The following FBXO24 variants were observed in gnomAD, a reference collection of about 807,000 sequenced individuals.
FBXO24 encodes the protein F-box only protein 24.
FBXO24 carries 30 observed loss-of-function variants against 63.5 expected under a neutral mutation model. That is an observed-to-expected ratio of 0.47 (90% CI 0.35 to 0.64). The LOEUF (loss-of-function observed/expected upper bound fraction) is 0.64. FBXO24 is among the 30% of genes least tolerant of loss of function. FBXO24 has a pLI of 0.00. For missense variants in FBXO24, 624 were observed against 763.4 expected, an observed-to-expected ratio of 0.82 and a Z score of 2.15; for synonymous variants, 300 against 305.0, an observed-to-expected ratio of 0.98 and a Z score of 0.17.
chr7:100,591,064 G>A (rs1458611301), intron 3 of FBXO24, among the ~76,000 whole-genome samples: 1 of 135,740 alleles, frequency 7.4e-6, no homozygotes, highest in African/African-American at 2.9e-5. Context: ...TTGAGACAGG[G>A]TCTTGCTCTG....
At chr7:100,599,944 C>A in intron 8 of FBXO24, 87 bp from the exon 9 acceptor site, 1 of 1,450,376 alleles carries the variant, frequency 6.9e-7, no homozygotes, top group Admixed American at 2.0e-5. Context: ...TTCATTCTGC[C>A]CCGAGCCTTC....
intron 8 of FBXO24, among the ~76,000 whole-genome samples, chr7:100,597,290 C>G (rs1802357740): frequency 1.3e-5 from 2 of 152,026 alleles, no homozygotes; most frequent in Non-Finnish European, 2.9e-5. Context: ...GATGGTGTGA[C>G]AATGTAAGAT....
chr7:100,586,420 G>C lies in FBXO24; in HGVS notation c.-206G>C, dbSNP rs565419330. 2 of 649,678 alleles carry C rather than the reference G, an allele frequency of 3.1e-6. 1 individual carries two copies. The highest frequency in any genetic ancestry group is 3.7e-5 in the South Asian group (2 of 54,424). The allele number at this position is 649,678 out of a possible 1,614,324, so 40.2% of individuals were successfully genotyped here. On this transcript the variant is annotated 5_prime_UTR_variant, in exon 1 of 10. Coordinates refer to ENST00000241071, the MANE Select transcript of FBXO24 (RefSeq NM_033506.3). ...TCAGATCGGGAGGTGGAGCCAATCA[G>C]GTCCAACCAAGAGGAGGGGACACCG...
Position 100,596,106 on chromosome 7 carries a change from C to T in FBXO24, c.1206+400C>T, listed in dbSNP as rs76473994. On this transcript the variant is annotated intron_variant, in intron 8 of 9. Coordinates refer to ENST00000241071, the MANE Select transcript of FBXO24 (RefSeq NM_033506.3). ...CAGCCTGGGCAACATGGTGAAACCC[C>T]GTCTCTACCAAAAATATAAAAAATT... Among the ~76,000 whole-genome samples the T allele has an allele frequency of 3.4e-3, 516 of 152,016 alleles. 17 individuals are homozygous for T. The East Asian group carries it at 0.061, about 18-fold the overall frequency.
At position 100,600,965 on chromosome 7, in the gene FBXO24, A is replaced by C; in HGVS notation, c.*66A>C. On this transcript the variant is annotated 3_prime_UTR_variant, in exon 10 of 10. Coordinates refer to ENST00000241071, the MANE Select transcript of FBXO24 (RefSeq NM_033506.3). The surrounding 1 kb of genome is among the most constrained non-coding windows in gnomAD (Gnocchi z 6.3). ...GCCCCAGGCCAGGGACTAAGGAGCAATGACCATTGTGCACATGCGTGTGGG... is the reference window on the plus strand; with the variant it reads ...GCCCCAGGCCAGGGACTAAGGAGCACTGACCATTGTGCACATGCGTGTGGG... The C allele has an allele frequency of 6.4e-7, 1 of 1,555,642 alleles. No homozygotes were observed. The highest frequency in any genetic ancestry group is 8.7e-7 in the Non-Finnish European group (1 of 1,155,908).
At chr7:100,589,019 C>T (rs928688775) in intron 1 of FBXO24, among the ~76,000 whole-genome samples, 7 of 150,758 alleles carry the variant, frequency 4.6e-5, no homozygotes, top group Non-Finnish European at 1.0e-4. Flanking sequence ...TTTTAATAGA[C>T]GCAGGGTCTA....
intron 1 of FBXO24, chr7:100,589,633 C>T (rs1801900807): frequency 8.1e-6 from 12 of 1,479,516 alleles, no homozygotes; most frequent in Non-Finnish European, 9.9e-6. Flanking sequence ...CAAGCCTAGG[C>T]TGGGGACATG....
chr7:100,601,115 G>A lies in FBXO24; in HGVS notation c.*216G>A, dbSNP rs771177963. Reference sequence around the variant, plus strand: ...GATGGATAGAATAAAAGGCTGCAGCGAGGCCTGGTGTGGAAGCCTTGGGGG... The same window carrying A: ...GATGGATAGAATAAAAGGCTGCAGCAAGGCCTGGTGTGGAAGCCTTGGGGG... On this transcript the variant is annotated 3_prime_UTR_variant, in exon 10 of 10. Transcript: ENST00000241071. The A allele has an allele frequency of 2.3e-4, 113 of 497,254 alleles. No homozygotes were observed. Among genetic ancestry groups the A allele is most frequent in the Middle Eastern group, 5.3e-4 (1 of 1,886 alleles). 30.8% of individuals were successfully genotyped at this position (497,254 alleles called of 1,614,324 possible).
intron 8 of FBXO24, among the ~76,000 whole-genome samples, chr7:100,597,443 G>T (rs1418843091): frequency 6.6e-6 from 1 of 151,774 alleles, no homozygotes; most frequent in Non-Finnish European, 1.5e-5. Context: ...TGTCTCCCAG[G>T]CTGGAGTGCA....
At position 100,600,396 on chromosome 7, in the gene FBXO24, TCA is replaced by T; in HGVS notation, c.1378-132_1378-131del. On this transcript the variant is annotated intron_variant, in intron 9 of 9. Coordinates refer to ENST00000241071, the MANE Select transcript of FBXO24 (RefSeq NM_033506.3). This position sits in a 1 kb window ranked among gnomAD's most constrained non-coding sequence, Gnocchi z 6.3. ...CAGACTGTGCTGGCCTTGCCCAACC[TCA>T]CACACCCCTGGGACTTAGCCGGCTC... The T allele has an allele frequency of 6.8e-7, 1 of 1,477,276 alleles. No homozygotes were observed. Among genetic ancestry groups the T allele is most frequent in the Non-Finnish European group, 9.1e-7 (1 of 1,101,690 alleles). 91.5% of individuals were successfully genotyped at this position (1,477,276 alleles called of 1,614,324 possible). A position where few individuals can be genotyped will look rare whatever the true frequency, so the allele number is the denominator to read the frequency against.
intron 1 of FBXO24, among the ~76,000 whole-genome samples, chr7:100,588,943 C>T (rs1801872463): frequency 6.6e-6 from 1 of 152,100 alleles, no homozygotes; most frequent in Non-Finnish European, 1.5e-5. Context: ...CTGCCTCAGC[C>T]TCCTGTGTAG....
In FBXO24 at chr7:100,601,074, C is replaced by G. The variant is rs1802586304; in HGVS notation, c.*175C>G. On this transcript the variant is annotated 3_prime_UTR_variant, in exon 10 of 10. Coordinates refer to ENST00000241071, the MANE Select transcript of FBXO24 (RefSeq NM_033506.3). ...CAGGAGGGGCCCCCAACCTGACTATCATGGACAAGAGATTTGATGGATAGA... is the reference window on the plus strand; with the variant it reads ...CAGGAGGGGCCCCCAACCTGACTATGATGGACAAGAGATTTGATGGATAGA... 1 of 752,454 alleles carries G rather than the reference C, an allele frequency of 1.3e-6. No individual in the cohort carries two copies. The highest frequency in any genetic ancestry group is 2.0e-5 in the South Asian group (1 of 50,110). The allele number at this position is 752,454 out of a possible 1,614,324, so 46.6% of individuals were successfully genotyped here.
In FBXO24 at chr7:100,593,009, T is replaced by C. The variant is rs773825622; in HGVS notation, c.785T>C (p.Leu262Pro). 6.2e-6 allele frequency: 10 copies of C among 1,613,668 alleles called. No individual in the cohort carries two copies. Among genetic ancestry groups the C allele is most frequent in the Non-Finnish European group, 8.5e-6 (10 of 1,179,642 alleles). Residue 262 changes from leucine (L) to proline (P), a missense_variant, in exon 5 of 10, where the codon CTC becomes CCC. Physicochemically the swap from Leu to Pro is moderately conservative, Grantham distance 98. Transcript: ENST00000241071. ...CAGGAGACCCAGCGGGCTCTACTGC[T>C]CCTCACAGGTGTGGCCCAAAGCAAT... ...VGQETQRALL[L>P]LTEEGKIYSL...
chr7:100,587,602 C>CTTT (rs138687549), intron 1 of FBXO24, among the ~76,000 whole-genome samples: 3 of 117,832 alleles, frequency 2.5e-5, no homozygotes, highest in South Asian at 2.7e-4. Flanking sequence ...CGCGCCCGGC[C>CTTT]TTTTTTTTTT....
chr7:100,599,200 G>A (rs1802459458), intron 8 of FBXO24, among the ~76,000 whole-genome samples: 1 of 152,128 alleles, frequency 6.6e-6, no homozygotes, highest in South Asian at 2.1e-4. Context: ...GCTGCAGTGA[G>A]CTATGATTGC....
chr7:100,595,434 A>G (rs1802259016), intron 7 of FBXO24, 141 bp from the exon 8 acceptor site: 1 of 1,269,702 alleles, frequency 7.9e-7, no homozygotes. Flanking sequence ...AGCCTGGGCA[A>G]CATAGTGAGA....
Position 100,591,649 on chromosome 7 carries a change from T to A in FBXO24, c.323-18T>A, listed in dbSNP as rs754096225. ...GTCATCTCATCCCTTGAACCTTCCATCTCCTTCCTTCCTCCAGACACGAAG... is the reference window on the plus strand; with the variant it reads ...GTCATCTCATCCCTTGAACCTTCCAACTCCTTCCTTCCTCCAGACACGAAG... On this transcript the variant is annotated intron_variant, in intron 3 of 9. Transcript: ENST00000241071. 6.2e-7 allele frequency: 1 copy of A among 1,611,978 alleles called. No individual in the cohort carries two copies. Among genetic ancestry groups the A allele is most frequent in the Non-Finnish European group, 8.5e-7 (1 of 1,178,082 alleles).
chr7:100,591,668 C>T lies in FBXO24; in HGVS notation c.324C>T (p.Tyr108=), dbSNP rs562917744. ...RPWKRAAILN[Y]TKGLYFQAFG... The stretch of plus-strand genomic sequence containing the variant: ...CTTCCATCTCCTTCCTTCCTCCAGA[C>T]ACGAAGGGCCTGTATTTCCAGGCAT... The change falls in exon 4 of 10, where the codon TAC becomes TAT. Residue 108 remains tyrosine, a splice_region_variant and synonymous_variant. Coordinates refer to ENST00000241071, the MANE Select transcript of FBXO24 (RefSeq NM_033506.3). 1.1e-5 allele frequency: 17 copies of T among 1,613,874 alleles called. No homozygotes were observed. Among genetic ancestry groups the T allele is most frequent in the Non-Finnish European group, 1.4e-5 (17 of 1,179,838 alleles).
intron 3 of FBXO24, among the ~76,000 whole-genome samples, chr7:100,591,058 GAC>G (rs1801997024): frequency 1.2e-5 from 1 of 80,774 alleles, no homozygotes; most frequent in African/African-American, 4.9e-5. Flanking sequence ...TTTTTTTTGA[GAC>G]AGGGTCTTGC....
Sources: gnomAD v4.1 joint callset for allele counts (sites outside exome capture counted in the v4.1 genomes callset) on GRCh38, gnomAD v4.1.1 for gene constraint, Gnocchi (gnomAD v3.1) non-coding constraint, MANE v1.5 for transcripts, NCBI Gene and HGNC (gene_info 2026-07-23, HGNC 2026-07-21) for gene names.